The following MDGA2 variants were observed in gnomAD, a reference collection of about 807,000 sequenced individuals.
MDGA2 encodes MAM domain containing glycosylphosphatidylinositol anchor 2.
Under a neutral mutation model 117.8 loss-of-function variants are expected in MDGA2, and 40 were observed. That is an observed-to-expected ratio of 0.34 (90% CI 0.26 to 0.44). The LOEUF is 0.44. Ranked by LOEUF, MDGA2 falls within the 20% of genes least tolerant of loss-of-function variation. The pLI, the probability that MDGA2 is intolerant of heterozygous loss-of-function variation, is 1.00. For missense variants in MDGA2, 1,123 were observed against 1,250.6 expected (o/e 0.90, Z 1.54); for synonymous variants, 452 against 439.0 (o/e 1.03, Z -0.37).
intron 1 of MDGA2, among the ~76,000 whole-genome samples, chr14:47,542,679 T>TG (rs1334581462): frequency 2.0e-5 from 3 of 152,238 alleles, no homozygotes; most frequent in Non-Finnish European, 4.4e-5. Flanking sequence ...ATTTAAAAAT[T>TG]GCTATGTACC....
chr14:47,104,507 C>T (rs1028176988), intron 5 of MDGA2, among the ~76,000 whole-genome samples: 1 of 148,360 alleles, frequency 6.7e-6, no homozygotes, highest in African/African-American at 2.5e-5. Flanking sequence ...GAACAAACCC[C>T]CTTTGACTGT....
intron 1 of MDGA2, among the ~76,000 whole-genome samples, chr14:47,661,592 G>A (rs936768923): frequency 2.6e-5 from 4 of 152,092 alleles, no homozygotes; most frequent in East Asian, 3.8e-4. Flanking sequence ...TTAATAGAAC[G>A]GCAGGGATGG....
chr14:46,918,928 A>AT (rs555104426), intron 10 of MDGA2, among the ~76,000 whole-genome samples: 7 of 151,730 alleles, frequency 4.6e-5, no homozygotes, highest in Middle Eastern at 6.8e-3. Context: ...TGCCCGGCTA[A>AT]TTTTTTTGTA....
At chr14:47,095,532 G>C (rs1386934107) in intron 6 of MDGA2, among the ~76,000 whole-genome samples, 1 of 151,662 alleles carries the variant, frequency 6.6e-6, no homozygotes, top group Non-Finnish European at 1.5e-5. Flanking sequence ...ATTTAGAAGA[G>C]CTTTTTCAAT....
intron 1 of MDGA2, among the ~76,000 whole-genome samples, chr14:47,648,320 G>T (rs561887069): frequency 1.3e-5 from 2 of 152,102 alleles, no homozygotes; most frequent in East Asian, 1.9e-4. Flanking sequence ...GAGAATTTTT[G>T]AAATCAAGTT....
chr14:47,120,843 A>T (rs1381079221), intron 5 of MDGA2, among the ~76,000 whole-genome samples: 8 of 152,118 alleles, frequency 5.3e-5, no homozygotes, highest in Non-Finnish European at 8.8e-5. Flanking sequence ...ACATAGAGTC[A>T]TTTTTTTCTG....
intron 9 of MDGA2, among the ~76,000 whole-genome samples, chr14:46,936,177 T>G (rs1884774731): frequency 6.6e-6 from 1 of 152,084 alleles, no homozygotes; most frequent in Non-Finnish European, 1.5e-5. Context: ...GTCAATCACT[T>G]GAGCTCCTGT....
intron 14 of MDGA2, chr14:46,871,029 TCAAAA>T (rs1214925164): frequency 6.6e-6 from 1 of 151,804 alleles, no homozygotes; most frequent in African/African-American, 2.4e-5. Context: ...TGACACATAT[TCAAAA>T]CAAAGAGGAA....
chr14:47,217,679 A>C (rs1015423121), intron 3 of MDGA2, among the ~76,000 whole-genome samples: 11 of 152,094 alleles, frequency 7.2e-5, no homozygotes, highest in Non-Finnish European at 1.6e-4. Context: ...GCATGATCCT[A>C]TTTTAATAAA....
intron 1 of MDGA2, among the ~76,000 whole-genome samples, chr14:47,627,425 A>G (rs977426190): frequency 3.3e-5 from 5 of 151,748 alleles, no homozygotes; most frequent in African/African-American, 7.3e-5. Context: ...GAATGCACCA[A>G]TCGGCACTCT....
At chr14:46,926,436 C>G (rs1217296650) in intron 9 of MDGA2, among the ~76,000 whole-genome samples, 4 of 148,492 alleles carry the variant, frequency 2.7e-5, no homozygotes, top group Admixed American at 6.8e-5. Context: ...AAAAAAAAAG[C>G]CTTCTAAAAA....
intron 1 of MDGA2, among the ~76,000 whole-genome samples, chr14:47,652,026 G>C (rs564513529): frequency 1.1e-4 from 17 of 152,254 alleles, no homozygotes; most frequent in African/African-American, 3.1e-4. Context: ...GATATGAAGT[G>C]TAAGTTTAAA....
chr14:47,633,533 A>T (rs936445678), intron 1 of MDGA2, among the ~76,000 whole-genome samples: 3 of 152,222 alleles, frequency 2.0e-5, no homozygotes, highest in Non-Finnish European at 2.9e-5. Flanking sequence ...TTTAGTAAAC[A>T]TGTAGTATAA....
intron 6 of MDGA2, among the ~76,000 whole-genome samples, chr14:47,087,733 A>C (rs1387055237): frequency 6.6e-6 from 1 of 151,858 alleles, no homozygotes; most frequent in Non-Finnish European, 1.5e-5. Context: ...ACAAAGGAAA[A>C]AATGCTGAAT....
chr14:47,414,785 A>G (rs1047052785), intron 1 of MDGA2, among the ~76,000 whole-genome samples: 6 of 152,110 alleles, frequency 3.9e-5, no homozygotes, highest in African/African-American at 1.2e-4. Flanking sequence ...AATTTATACC[A>G]TGTCACCAAG....
Position 47,578,181 on chromosome 14 carries a change from C to G in MDGA2, c.280+96336G>C, listed in dbSNP as rs549173987. 1.1e-4 allele frequency among the ~76,000 whole-genome samples: 16 copies of G among 152,114 alleles called. No homozygotes were observed. In the East Asian group the frequency reaches 2.7e-3, roughly 26 times the overall value. On this transcript the variant is annotated intron_variant, in intron 1 of 16. Coordinates refer to ENST00000399232, the MANE Select transcript of MDGA2 (RefSeq NM_001113498.3). ...ACTAACACAGAAACAGAAAACCAAA[C>G]ACTACATGTTCTCACTCGTAAGTGA...
intron 1 of MDGA2, among the ~76,000 whole-genome samples, chr14:47,519,580 C>T (rs528126216): frequency 1.1e-4 from 17 of 152,202 alleles, no homozygotes; most frequent in African/African-American, 3.6e-4. Flanking sequence ...AGTATAAAAA[C>T]GGCAAAGGTT....
chr14:47,165,110 G>A (rs974255057), intron 3 of MDGA2, among the ~76,000 whole-genome samples: 4 of 152,106 alleles, frequency 2.6e-5, no homozygotes, highest in African/African-American at 9.7e-5. Context: ...GTGGGGTGGG[G>A]GCAGGGGGTA....
intron 8 of MDGA2, among the ~76,000 whole-genome samples, chr14:47,017,271 T>G (rs1419866403): frequency 1.4e-5 from 2 of 145,890 alleles, no homozygotes; most frequent in Non-Finnish European, 3.0e-5. Context: ...ACCCAGAGGG[T>G]CAAAAAGAAT....
Sources: allele counts gnomAD v4.1 joint callset (sites outside exome capture counted in the v4.1 genomes callset), GRCh38; gene constraint gnomAD v4.1.1; transcripts MANE v1.5; gene names NCBI Gene and HGNC (gene_info 2026-07-23, HGNC 2026-07-21).